The following HS3ST2 variants were observed in gnomAD, a reference collection of about 807,000 sequenced individuals.
The protein encoded by HS3ST2 is heparan sulfate-glucosamine 3-sulfotransferase 2.
A neutral mutation model predicts 26.3 loss-of-function variants in HS3ST2; 17 were observed. The observed-to-expected ratio is 0.65, with a 90% CI of 0.44 to 0.97. The LOEUF is 0.97. HS3ST2 is among the 50% of genes least tolerant of loss of function. HS3ST2 has a pLI of 0.00. For synonymous variants in HS3ST2, 237 were observed against 219.2 expected (o/e 1.08, Z -0.72); for missense variants, 402 against 501.2 (o/e 0.80, Z 1.89).
At chr16:22,873,849 G>A (rs932304479) in intron 1 of HS3ST2, among the ~76,000 whole-genome samples, 5 of 152,144 alleles carry the variant, frequency 3.3e-5, no homozygotes, top group Non-Finnish European at 7.3e-5. Flanking sequence ...CTAGTGGGTC[G>A]ACTGCGGCTG....
chr16:22,814,594 C>G lies in HS3ST2; in HGVS notation c.-17C>G, dbSNP rs759141506. The stretch of plus-strand genomic sequence containing the variant: ...CCCCCTCGGAAACCATGACCCCCGG[C>G]GCGGGCCCATGGAGCCATGGCCTAT... On this transcript the variant is annotated 5_prime_UTR_variant, in exon 1 of 2. Coordinates refer to ENST00000261374, the MANE Select transcript of HS3ST2 (RefSeq NM_006043.2). 84 of 1,511,782 alleles carry G rather than the reference C, an allele frequency of 5.6e-5. No homozygotes were observed. The highest frequency in any genetic ancestry group is 7.2e-5 in the Non-Finnish European group (82 of 1,133,360). The allele number at this position is 1,511,782 out of a possible 1,614,324, so 93.6% of individuals were successfully genotyped here.
intron 1 of HS3ST2, among the ~76,000 whole-genome samples, chr16:22,886,635 A>C (rs900034178): frequency 6.6e-6 from 1 of 152,124 alleles, no homozygotes; most frequent in African/African-American, 2.4e-5. Context: ...CTAGAGAGTG[A>C]CCTCTGTTTC....
chr16:22,861,518 C>T (rs1901674064), intron 1 of HS3ST2, among the ~76,000 whole-genome samples: 1 of 152,044 alleles, frequency 6.6e-6, no homozygotes, highest in African/African-American at 2.4e-5. Flanking sequence ...TCCCCAGGAC[C>T]AGCCTTGGCC....
At chr16:22,845,473 T>G (rs1901418651) in intron 1 of HS3ST2, among the ~76,000 whole-genome samples, 1 of 148,324 alleles carries the variant, frequency 6.7e-6, no homozygotes, top group Non-Finnish European at 1.5e-5. Flanking sequence ...TGCCTCAGCC[T>G]CCTGAGTAGC....
At chr16:22,846,786 A>G (rs1332238038) in intron 1 of HS3ST2, among the ~76,000 whole-genome samples, 2 of 152,110 alleles carry the variant, frequency 1.3e-5, no homozygotes, top group African/African-American at 4.8e-5. Context: ...AGACAGTCTC[A>G]TAAACCTTAA....
At chr16:22,903,090 C>G (rs764322687) in intron 1 of HS3ST2, among the ~76,000 whole-genome samples, 15 of 152,032 alleles carry the variant, frequency 9.9e-5, no homozygotes, top group Non-Finnish European at 1.9e-4. Flanking sequence ...TCTTTTCCTT[C>G]ATGATTTTTG....
At position 22,915,091 on chromosome 16, in the gene HS3ST2, C is replaced by T. The variant is rs768326313; in HGVS notation, c.633C>T (p.Ala211=). The stretch of plus-strand genomic sequence containing the variant: ...TTGTGCGGAACCCTGTGACCCGTGC[C>T]ATCTCTGATTACACGCAGACACTCT... ...IVVVRNPVTR[A]ISDYTQTLSK... The change falls in exon 2 of 2, where the codon GCC becomes GCT. Residue 211 remains alanine (A), a synonymous_variant. Coordinates refer to ENST00000261374, the MANE Select transcript of HS3ST2 (RefSeq NM_006043.2). 6.2e-7 allele frequency: 1 copy of T among 1,614,126 alleles called. No individual in the cohort carries two copies. Among genetic ancestry groups the T allele is most frequent in the South Asian group, 1.1e-5 (1 of 91,056 alleles).
intron 1 of HS3ST2, among the ~76,000 whole-genome samples, chr16:22,827,373 T>C (rs879266280): frequency 2.0e-4 from 30 of 152,176 alleles, no homozygotes; most frequent in Admixed American, 4.6e-4. Flanking sequence ...AGTGTTGAGT[T>C]AAGGCATTAT....
chr16:22,819,137 T>TTCCC (rs1900950370), intron 1 of HS3ST2, among the ~76,000 whole-genome samples: 1 of 74,826 alleles, frequency 1.3e-5, no homozygotes, highest in African/African-American at 5.2e-5. Context: ...CCTTCATTCC[T>TTCCC]TCCTTCCTTC....
At position 22,890,979 on chromosome 16, in the gene HS3ST2, A is replaced by G. The variant is rs550004135; in HGVS notation, c.486-23965A>G. On this transcript the variant is annotated intron_variant, in intron 1 of 1. Transcript: ENST00000261374. ...CAGAAAAGGGCCAGAGTTTGCTGAC[A>G]TATTTAGCTAATCCACATAGAGCTT... Among the ~76,000 whole-genome samples, 4 of 152,346 alleles carry G rather than the reference A, an allele frequency of 2.6e-5. No individual in the cohort carries two copies. In the South Asian group the frequency reaches 8.3e-4, roughly 32 times the overall value.
intron 1 of HS3ST2, among the ~76,000 whole-genome samples, chr16:22,874,658 C>A (rs55932136): frequency 0.045 from 6,895 of 152,292 alleles, 231 homozygotes; most frequent in Middle Eastern, 0.068. Flanking sequence ...CTGGCAGAGG[C>A]ACCTGCTGGG....
chr16:22,851,408 C>A (rs930616212), intron 1 of HS3ST2, among the ~76,000 whole-genome samples: 1 of 152,210 alleles, frequency 6.6e-6, no homozygotes, highest in Non-Finnish European at 1.5e-5. Flanking sequence ...AGTCAAGGGG[C>A]TTGCTCAAAA....
intron 1 of HS3ST2, among the ~76,000 whole-genome samples, chr16:22,885,162 A>G (rs1902043919): frequency 6.6e-6 from 1 of 151,940 alleles, no homozygotes; most frequent in Non-Finnish European, 1.5e-5. Context: ...CTCTTATGTG[A>G]CATATTGCCA....
At chr16:22,890,927 T>C (rs1237590696) in intron 1 of HS3ST2, among the ~76,000 whole-genome samples, 1 of 152,196 alleles carries the variant, frequency 6.6e-6, no homozygotes, top group Non-Finnish European at 1.5e-5. Flanking sequence ...GAGGCACCAG[T>C]AGACAGAAGA....
intron 1 of HS3ST2, among the ~76,000 whole-genome samples, chr16:22,858,987 G>A (rs976062467): frequency 1.7e-4 from 26 of 152,216 alleles, no homozygotes; most frequent in African/African-American, 3.6e-4. Context: ...ACAACAGAGC[G>A]AGACCCTGTC....
At chr16:22,816,981 G>A (rs1337247582) in intron 1 of HS3ST2, among the ~76,000 whole-genome samples, 1 of 152,082 alleles carries the variant, frequency 6.6e-6, no homozygotes, top group East Asian at 1.9e-4. Flanking sequence ...CCACTAAACA[G>A]CATACCTCAG....
chr16:22,868,566 A>G (rs907377503), intron 1 of HS3ST2, among the ~76,000 whole-genome samples: 1 of 152,158 alleles, frequency 6.6e-6, no homozygotes, highest in African/African-American at 2.4e-5. Flanking sequence ...ATGCAAAGTC[A>G]GGAAGTATTC....
chr16:22,914,877 T>G, intron 1 of HS3ST2, 67 bp from the exon 2 acceptor site: 1 of 1,512,634 alleles, frequency 6.6e-7, no homozygotes, highest in Non-Finnish European at 8.8e-7. Context: ...GAAGGGCTGA[T>G]GTAGCTGGGC....
chr16:22,894,051 G>C (rs1427966196), intron 1 of HS3ST2, among the ~76,000 whole-genome samples: 4 of 152,040 alleles, frequency 2.6e-5, no homozygotes, highest in Non-Finnish European at 5.9e-5. Flanking sequence ...GAACTCCTGG[G>C]CTCAAATGAT....
Sources: gnomAD v4.1 joint callset for allele counts (sites outside exome capture counted in the v4.1 genomes callset) on GRCh38, gnomAD v4.1.1 for gene constraint, MANE v1.5 for transcripts, NCBI Gene and HGNC (gene_info 2026-07-23, HGNC 2026-07-21) for gene names.